Variants in FHIT observed in about 807,000 individuals in gnomAD.
The protein encoded by FHIT is fragile histidine triad diadenosine triphosphatase.
A neutral mutation model predicts 17.9 loss-of-function variants in FHIT; 19 were observed. The observed-to-expected ratio is 1.06, with a 90% CI of 0.74 to 1.56. FHIT has a LOEUF of 1.56. Among genes scored for constraint, FHIT ranks in the 40% most tolerant of loss-of-function variants. The pLI is 0.00. For missense variants in FHIT, 248 were observed against 189.2 expected (o/e 1.31, Z -1.82); for synonymous variants, 81 against 69.7 (o/e 1.16, Z -0.81).
At chr3:60,144,204 T>C (rs1207985512) in intron 5 of FHIT, among the ~76,000 whole-genome samples, 1 of 152,186 alleles carries the variant, frequency 6.6e-6, no homozygotes, top group Non-Finnish European at 1.5e-5. Flanking sequence ...GACTTATTCA[T>C]TTACACATGG....
At chr3:59,816,625 A>C (rs1700608588) in intron 8 of FHIT, among the ~76,000 whole-genome samples, 1 of 152,108 alleles carries the variant, frequency 6.6e-6, no homozygotes, top group African/African-American at 2.4e-5. Context: ...ATGAACTCAC[A>C]ATAGAAGGTA....
chr3:61,199,215 A>C (rs372046569), intron 2 of FHIT, among the ~76,000 whole-genome samples: 6 of 152,200 alleles, frequency 3.9e-5, no homozygotes, highest in African/African-American at 1.4e-4. Flanking sequence ...AAGAAAATGG[A>C]CTGTGCCTGT....
chr3:60,805,431 C>T (rs1701349070), intron 4 of FHIT, among the ~76,000 whole-genome samples: 1 of 152,184 alleles, frequency 6.6e-6, no homozygotes, highest in African/African-American at 2.4e-5. Context: ...ATGGTCTTTC[C>T]TCTGTGTGCT....
At chr3:60,882,376 T>G (rs544187300) in intron 3 of FHIT, among the ~76,000 whole-genome samples, 48 of 152,224 alleles carry the variant, frequency 3.2e-4, no homozygotes, top group Admixed American at 2.9e-3. Context: ...AAGCTGATTC[T>G]ACAAGACCAT....
intron 2 of FHIT, among the ~76,000 whole-genome samples, chr3:61,137,851 C>T (rs921165620): frequency 6.6e-6 from 1 of 152,196 alleles, no homozygotes; most frequent in Non-Finnish European, 1.5e-5. Context: ...CCCATACCCA[C>T]CTCTCTCCCT....
At chr3:60,734,539 C>T (rs73103506) in intron 4 of FHIT, among the ~76,000 whole-genome samples, 14,985 of 152,152 alleles carry the variant, frequency 0.098, 881 homozygotes, top group Non-Finnish European at 0.14. Flanking sequence ...GAAGCTGGGA[C>T]CACAGGCATG....
chr3:60,680,265 T>C (rs1411434088), intron 4 of FHIT, among the ~76,000 whole-genome samples: 1 of 152,232 alleles, frequency 6.6e-6, no homozygotes, highest in African/African-American at 2.4e-5. Flanking sequence ...TAAAAAGCTA[T>C]ACTGTGCTGA....
intron 5 of FHIT, among the ~76,000 whole-genome samples, chr3:60,170,460 CGT>C (rs991101506): frequency 2.0e-5 from 3 of 152,150 alleles, no homozygotes; most frequent in Non-Finnish European, 2.9e-5. Flanking sequence ...ATCCATCCCA[CGT>C]GAGTATAAAT....
chr3:60,932,987 T>A (rs1192226347), intron 3 of FHIT, among the ~76,000 whole-genome samples: 1 of 152,164 alleles, frequency 6.6e-6, no homozygotes, highest in Admixed American at 6.5e-5. Context: ...AAAGATACAG[T>A]TATAAGTATG....
At chr3:61,090,034 G>A (rs562656579) in intron 2 of FHIT, among the ~76,000 whole-genome samples, 1 of 152,244 alleles carries the variant, frequency 6.6e-6, no homozygotes, top group South Asian at 2.1e-4. Flanking sequence ...TTCACTCGTG[G>A]TGAAATGCCA....
At chr3:60,531,284 T>C (rs527627705) in intron 5 of FHIT, among the ~76,000 whole-genome samples, 1 of 145,704 alleles carries the variant, frequency 6.9e-6, no homozygotes, top group East Asian at 2.0e-4. Flanking sequence ...CTTTTTTTTT[T>C]TTTTTTTTTT....
At chr3:60,520,452 A>G (rs991698560) in intron 5 of FHIT, among the ~76,000 whole-genome samples, 3 of 152,154 alleles carry the variant, frequency 2.0e-5, no homozygotes, top group Non-Finnish European at 2.9e-5. Context: ...GCTGTGGATG[A>G]AAGAGATTTT....
At chr3:60,436,017 C>G (rs1055313321) in intron 5 of FHIT, among the ~76,000 whole-genome samples, 1 of 152,050 alleles carries the variant, frequency 6.6e-6, no homozygotes, top group Admixed American at 6.6e-5. Context: ...GCATAGTATT[C>G]CATGTGTATA....
chr3:59,852,479 C>A (rs1701980491), intron 8 of FHIT, among the ~76,000 whole-genome samples: 1 of 152,152 alleles, frequency 6.6e-6, no homozygotes, highest in Non-Finnish European at 1.5e-5. Context: ...TTAACTTCCC[C>A]CCACCAGACT....
chr3:60,727,362 T>G (rs2041937348), intron 4 of FHIT, among the ~76,000 whole-genome samples: 1 of 152,162 alleles, frequency 6.6e-6, no homozygotes, highest in Non-Finnish European at 1.5e-5. Flanking sequence ...TAATACACTT[T>G]TATATATTTT....
At chr3:60,472,631 A>G (rs2033146771) in intron 5 of FHIT, among the ~76,000 whole-genome samples, 1 of 152,180 alleles carries the variant, frequency 6.6e-6, no homozygotes, top group Non-Finnish European at 1.5e-5. Context: ...GGCCTCCCAA[A>G]GGGCTGGGAT....
At chr3:60,582,143 C>A (rs1007126568) in intron 4 of FHIT, among the ~76,000 whole-genome samples, 1 of 151,890 alleles carries the variant, frequency 6.6e-6, no homozygotes, top group South Asian at 2.1e-4. Flanking sequence ...TGCCTAGATC[C>A]CCTAGAGATT....
chr3:60,784,260 G>A (rs546132894), intron 4 of FHIT, among the ~76,000 whole-genome samples: 82 of 152,202 alleles, frequency 5.4e-4, no homozygotes, highest in South Asian at 2.1e-3. Context: ...AAGAGGCCCC[G>A]GACAGCTGTG....
At chr3:59,979,328 A>T (rs1363286295) in intron 7 of FHIT, among the ~76,000 whole-genome samples, 2 of 152,084 alleles carry the variant, frequency 1.3e-5, no homozygotes, top group Non-Finnish European at 2.9e-5. Context: ...AGCCAGAGAT[A>T]TTTTTTATAA....
Sources: allele counts gnomAD v4.1 joint callset (sites outside exome capture counted in the v4.1 genomes callset), GRCh38; gene constraint gnomAD v4.1.1; transcripts MANE v1.5; gene names NCBI Gene and HGNC (gene_info 2026-07-23, HGNC 2026-07-21).